The following PIK3R1 variants were observed in gnomAD, a reference collection of about 807,000 sequenced individuals.
PIK3R1 encodes the protein phosphoinositide-3-kinase regulatory subunit 1.
Under a neutral mutation model 98.0 loss-of-function variants are expected in PIK3R1, and 29 were observed. That is an observed-to-expected ratio of 0.30 (90% CI 0.22 to 0.40). PIK3R1 has a LOEUF of 0.40. PIK3R1 is among the 10% of genes least tolerant of loss of function. The pLI, the probability that PIK3R1 is intolerant of heterozygous loss-of-function variation, is 1.00. For synonymous variants in PIK3R1, 282 were observed against 311.8 expected (o/e 0.90, Z 1.01); for missense variants, 596 against 872.7 (o/e 0.68, Z 3.99).
intron 2 of PIK3R1, among the ~76,000 whole-genome samples, chr5:68,249,563 G>A (rs1265429792): frequency 6.6e-6 from 1 of 152,140 alleles, no homozygotes; most frequent in African/African-American, 2.4e-5. Context: ...TTGGGCATTG[G>A]ACTTCTTAAC....
intron 7 of PIK3R1, 68 bp downstream of exon 7, chr5:68,281,074 A>G (rs1020556354): frequency 5.0e-6 from 5 of 993,486 alleles, no homozygotes; most frequent in Non-Finnish European, 7.7e-6. Flanking sequence ...AATGATGGCT[A>G]TAAACCTCCT....
intron 2 of PIK3R1, among the ~76,000 whole-genome samples, chr5:68,272,688 T>A (rs1746412279): frequency 6.6e-6 from 1 of 152,210 alleles, no homozygotes; most frequent in East Asian, 1.9e-4. Flanking sequence ...CACCACATTT[T>A]AAAAACTACT....
chr5:68,246,113 G>A (rs187152537), intron 2 of PIK3R1, among the ~76,000 whole-genome samples: 16 of 152,218 alleles, frequency 1.1e-4, no homozygotes, highest in Admixed American at 9.2e-4. Flanking sequence ...ATGTTTTCTG[G>A]TAAACACCTG....
chr5:68,242,473 A>G (rs1744906635), intron 2 of PIK3R1, among the ~76,000 whole-genome samples: 1 of 152,184 alleles, frequency 6.6e-6, no homozygotes. Flanking sequence ...ACTTCCAGTG[A>G]GGCAAGGCAG....
At chr5:68,261,765 A>G (rs1018966124) in intron 2 of PIK3R1, among the ~76,000 whole-genome samples, 1 of 152,204 alleles carries the variant, frequency 6.6e-6, no homozygotes, top group Non-Finnish European at 1.5e-5. Flanking sequence ...TATAGCCACA[A>G]TTTCTAAGAA....
At chr5:68,229,877 G>T (rs546300158) in intron 2 of PIK3R1, among the ~76,000 whole-genome samples, 3 of 152,292 alleles carry the variant, frequency 2.0e-5, no homozygotes, top group South Asian at 2.1e-4. Context: ...AATACATTTT[G>T]CATGCAGTTT....
intron 2 of PIK3R1, among the ~76,000 whole-genome samples, chr5:68,244,413 C>T (rs1445685677): frequency 6.9e-6 from 1 of 145,536 alleles, no homozygotes; most frequent in Non-Finnish European, 1.5e-5. Context: ...CTCAGTGGTC[C>T]TTGTGAAAAC....
chr5:68,275,579 C>T (rs189252307), intron 4 of PIK3R1, among the ~76,000 whole-genome samples: 14 of 151,542 alleles, frequency 9.2e-5, no homozygotes, highest in African/African-American at 2.7e-4. Flanking sequence ...CCAAGATTCA[C>T]GTCAATGGTA....
intron 5 of PIK3R1, chr5:68,280,275 C>T: frequency 1.9e-6 from 1 of 521,374 alleles, no homozygotes; most frequent in Non-Finnish European, 3.4e-6. Flanking sequence ...TAAGTTGCTG[C>T]CAGCACACCC....
rs536157285 is a variant in PIK3R1, at chr5:68,255,681, G to A, written c.335-17709G>A. On this transcript the variant is annotated intron_variant, in intron 2 of 15. Transcript: ENST00000521381. The stretch of plus-strand genomic sequence containing the variant: ...CTAACTTGGAAGGAAATCAGATGGC[G>A]AAAGTGAAACATACGGCTATCAATG... Among the ~76,000 whole-genome samples the A allele has an allele frequency of 3.9e-5, 6 of 152,282 alleles. No homozygotes were observed. In the East Asian group the frequency reaches 7.7e-4, roughly 20 times the overall value.
chr5:68,279,852 C>T (rs1364698045), intron 5 of PIK3R1, 119 bp downstream of exon 5: 1 of 920,992 alleles, frequency 1.1e-6, no homozygotes, highest in East Asian at 2.5e-5. Flanking sequence ...CCTGTCCCTC[C>T]CCCAACAATA....
intron 4 of PIK3R1, among the ~76,000 whole-genome samples, chr5:68,278,297 A>G (rs556468336): frequency 1.3e-4 from 20 of 152,186 alleles, no homozygotes; most frequent in African/African-American, 4.8e-4. Context: ...TAATACTCAG[A>G]CAGAATTAGG....
In PIK3R1 at chr5:68,262,592, T is replaced by C. The variant is rs1946207; in HGVS notation, c.335-10798T>C. Reference sequence around the variant, plus strand: ...ATGTACCTACATGTATACACATGTATCTGCATGTATACACATGTATACACA... The same window carrying C: ...ATGTACCTACATGTATACACATGTACCTGCATGTATACACATGTATACACA... On this transcript the variant is annotated intron_variant, in intron 2 of 15. Coordinates refer to ENST00000521381, the MANE Select transcript of PIK3R1 (RefSeq NM_181523.3). Among the ~76,000 whole-genome samples the C allele has an allele frequency of 2.5e-3, 316 of 128,926 alleles. 10 individuals carry two copies. The highest frequency in any genetic ancestry group is 7.9e-3 in the African/African-American group (241 of 30,476). The allele number at this position is 128,926 out of a possible 152,430, so 84.6% of individuals were successfully genotyped here.
intron 2 of PIK3R1, among the ~76,000 whole-genome samples, chr5:68,231,349 A>T (rs902443982): frequency 6.6e-6 from 1 of 152,222 alleles, no homozygotes; most frequent in Non-Finnish European, 1.5e-5. Flanking sequence ...AGCCTCTGAC[A>T]GTGGATTTCA....
chr5:68,217,705 A>G (rs2111921851), intron 1 of PIK3R1: 1 of 152,002 alleles, frequency 6.6e-6, no homozygotes, highest in East Asian at 1.9e-4. Flanking sequence ...GTTCAGAGTT[A>G]AGGTTTAAGT....
intron 7 of PIK3R1, among the ~76,000 whole-genome samples, chr5:68,283,650 C>T (rs115911679): frequency 0.011 from 1,645 of 152,238 alleles, 10 homozygotes; most frequent in Non-Finnish European, 0.017. Context: ...GATAGTATCA[C>T]AAAAAACATC....
rs2112263818 is a variant in PIK3R1, at chr5:68,293,791, G to T, written c.1382G>T (p.Arg461Leu). ...AACACTCAGTTTCAAGAAAAAAGTC[G>T]AGAATATGATAGATTATATGAAGAA... ...EYNTQFQEKS[R>L]EYDRLYEEYT... The change falls in exon 11 of 16, where the codon CGA (arginine) becomes CTA (leucine). Residue 461 changes from arginine to leucine, a missense_variant. Around this residue, in one of 3 missense-constraint regions of PIK3R1, gnomAD observed 207 missense variants for 361.4 expected, o/e 0.57. Coordinates refer to ENST00000521381, the MANE Select transcript of PIK3R1 (RefSeq NM_181523.3). 1 of 1,583,194 alleles carries T rather than the reference G, an allele frequency of 6.3e-7. No individual in the cohort carries two copies. The highest frequency in any genetic ancestry group is 8.6e-7 in the Non-Finnish European group (1 of 1,161,132).
intron 2 of PIK3R1, among the ~76,000 whole-genome samples, chr5:68,266,570 T>G (rs1222193710): frequency 6.6e-6 from 1 of 152,240 alleles, no homozygotes; most frequent in Non-Finnish European, 1.5e-5. Context: ...TATTCCCTTG[T>G]GGGATTGACC....
rs1170342761 is a variant in PIK3R1 at position 68,274,032 on chromosome 5, G to C, written c.502+19G>C. The C allele has an allele frequency of 6.3e-7, 1 of 1,596,708 alleles. No homozygotes were observed. The highest frequency in any genetic ancestry group is 1.3e-5 in the African/African-American group (1 of 74,554). ...GATTGTGGTGAGTGTCACAGAGCTA[G>C]AAATGCAAATGGGAAAGACAGGTCT... On this transcript the variant is annotated intron_variant, in intron 4 of 15. Coordinates refer to ENST00000521381, the MANE Select transcript of PIK3R1 (RefSeq NM_181523.3).
Sources: allele counts gnomAD v4.1 joint callset (sites outside exome capture counted in the v4.1 genomes callset), GRCh38; gene constraint gnomAD v4.1.1; regional missense constraint gnomAD v4.1.1; transcripts MANE v1.5; gene names NCBI Gene and HGNC (gene_info 2026-07-23, HGNC 2026-07-21).